SLC12A3: variants seen among roughly 807,000 people sequenced by gnomAD.
The protein encoded by SLC12A3 is solute carrier family 12 member 3, also known as Na-Cl cotransporter.
A neutral mutation model predicts 121.0 loss-of-function variants in SLC12A3; 104 were observed. The ratio of observed to expected loss-of-function variants is 0.86; its 90% CI spans 0.73 to 1.01. The LOEUF (loss-of-function observed/expected upper bound fraction) is 1.01. Ranked by LOEUF, SLC12A3 falls within the 50% of genes least tolerant of loss-of-function variation. SLC12A3 has a pLI of 0.00. For synonymous variants in SLC12A3, 536 were observed against 533.4 expected (o/e 1.00, Z -0.07); for missense variants, 1,328 against 1,356.3 (o/e 0.98, Z 0.33).
chr16:56,893,469 C>A (rs145327949), intron 21 of SLC12A3, among the ~76,000 whole-genome samples: 2 of 152,206 alleles, frequency 1.3e-5, no homozygotes, highest in South Asian at 2.1e-4. Context: ...AAAATGTCTT[C>A]GCTCCAATGG....
chr16:56,906,924 G>A (rs1483012925), intron 25 of SLC12A3: 3 of 454,454 alleles, frequency 6.6e-6, no homozygotes, highest in African/African-American at 4.1e-5. Flanking sequence ...GGCAAAAGGT[G>A]GGCTGGAGAT....
intron 15 of SLC12A3, among the ~76,000 whole-genome samples, chr16:56,885,574 C>T (rs2079706547): frequency 6.6e-6 from 1 of 152,108 alleles, no homozygotes; most frequent in Non-Finnish European, 1.5e-5. Flanking sequence ...AGTCAAGGGG[C>T]CTCTCCATGC....
In SLC12A3 at chr16:56,870,658, C is replaced by T. The variant is rs111578437; in HGVS notation, c.774C>T (p.Asn258=). 1,559 of 1,613,528 alleles carry T rather than the reference C, an allele frequency of 9.7e-4. 16 individuals carry two copies. The African/African-American group carries it at 0.017, about 18-fold the overall frequency. The change falls in exon 6 of 26, where the codon AAC becomes AAT. Residue 258 remains asparagine (N), a synonymous_variant. Transcript: ENST00000563236. Reference sequence around the variant, plus strand: ...GGGCACCCATCGTGGACCCCATTAACGACATCCGCATCATTGCCGTGGTCT... The same window carrying T: ...GGGCACCCATCGTGGACCCCATTAATGACATCCGCATCATTGCCGTGGTCT... The part of the protein sequence containing the change: ...EYGAPIVDPI[N]DIRIIAVVSV...
chr16:56,893,255 G>T (rs2055414789), intron 21 of SLC12A3, among the ~76,000 whole-genome samples: 1 of 152,212 alleles, frequency 6.6e-6, no homozygotes, highest in Admixed American at 6.5e-5. Context: ...GAGAAGAGCT[G>T]AAGTCGCCAT....
intron 17 of SLC12A3, 127 bp from the exon 18 acceptor site, chr16:56,887,798 A>ATAT (rs1433682477): frequency 0.017 from 1,164 of 68,552 alleles, 46 homozygotes; most frequent in Non-Finnish European, 0.027. Context: ...ATATATATAT[A>ATAT]TTTTTTTTTT....
chr16:56,878,346 T>C (rs1048886891), intron 9 of SLC12A3, among the ~76,000 whole-genome samples, 185 bp downstream of exon 9: 3 of 152,030 alleles, frequency 2.0e-5, no homozygotes, highest in Non-Finnish European at 4.4e-5. Flanking sequence ...CTGGGGTATC[T>C]TGGCAATGAT....
At chr16:56,872,486 C>T in intron 7 of SLC12A3, 24 bp downstream of exon 7, 2 of 1,599,872 alleles carry the variant, frequency 1.3e-6, no homozygotes, top group Non-Finnish European at 8.6e-7. Flanking sequence ...AAGGCCCTGA[C>T]CATGGCTCTG....
chr16:56,891,488 A>C (rs2055388472), intron 19 of SLC12A3, among the ~76,000 whole-genome samples: 1 of 151,936 alleles, frequency 6.6e-6, no homozygotes. Context: ...CGTCTCTTGC[A>C]GCCAGGAGCT....
chr16:56,884,305 G>A (rs1040583828), intron 14 of SLC12A3, 101 bp downstream of exon 14: 8 of 1,245,636 alleles, frequency 6.4e-6, no homozygotes, highest in Non-Finnish European at 9.3e-6. Flanking sequence ...GTCCGGCTCT[G>A]TGCTGTCCAG....
rs34930276 is a variant in SLC12A3, at chr16:56,870,575, G to A, written c.742-51G>A. 311 of 1,227,026 alleles carry A rather than the reference G, an allele frequency of 2.5e-4. No homozygotes were observed. In the African/African-American group the frequency reaches 3.8e-3, roughly 15 times the overall value. 76.0% of individuals were successfully genotyped at this position (1,227,026 alleles called of 1,614,324 possible). A position where few individuals can be genotyped will look rare whatever the true frequency, so the allele number is the denominator to read the frequency against. The stretch of plus-strand genomic sequence containing the variant: ...CCTCCTAGGTGGGCAGAGTCTGGGG[G>A]ATGGGGAATTCAGAGGGTGGCTTGC... On this transcript the variant is annotated intron_variant, in intron 5 of 25. Transcript: ENST00000563236.
At chr16:56,883,904 T>C (rs1182894776) in intron 13 of SLC12A3, 145 bp from the exon 14 acceptor site, 2 of 775,340 alleles carry the variant, frequency 2.6e-6, no homozygotes, top group African/African-American at 3.5e-5. Flanking sequence ...GGAGGCAGGG[T>C]GGGTGGTGCT....
Position 56,878,146 on chromosome 16 carries a change from A to T in SLC12A3, c.1165A>T (p.Ile389Phe). The change falls in exon 9 of 26, where the codon ATC (isoleucine) becomes TTC (phenylalanine). Residue 389 changes from isoleucine to phenylalanine, a missense_variant. By Grantham distance (21) the Ile-to-Phe change is conservative. Coordinates refer to ENST00000563236, the MANE Select transcript of SLC12A3 (RefSeq NM_001126108.2). ...IFWTTISYLA[I>F]SATIGSCVVR... is the part of the protein sequence containing the mutation. The stretch of plus-strand genomic sequence containing the variant: ...CTGGACGACCATTTCCTACCTGGCC[A>T]TCTCAGCCACCATTGGTAAGTGGCC... 6.2e-7 allele frequency: 1 copy of T among 1,605,382 alleles called. No individual in the cohort carries two copies. Among genetic ancestry groups the T allele is most frequent in the Non-Finnish European group, 8.5e-7 (1 of 1,176,606 alleles).
chr16:56,868,497 C>T lies in SLC12A3; in HGVS notation c.505+125C>T, dbSNP rs540387713. 1.9e-4 allele frequency: 182 copies of T among 936,868 alleles called. No homozygotes were observed. The Middle Eastern group carries it at 4.5e-3, about 23-fold the overall frequency. 58.0% of individuals were successfully genotyped at this position (936,868 alleles called of 1,614,324 possible). On this transcript the variant is annotated intron_variant, in intron 3 of 25. Coordinates refer to ENST00000563236, the MANE Select transcript of SLC12A3 (RefSeq NM_001126108.2). ...TTAAACTTGAGGTGCAGAGACCAAA[C>T]GGCCAGGCCTTCTCCTCCCTGGTTC...
intron 6 of SLC12A3, among the ~76,000 whole-genome samples, chr16:56,871,313 G>A (rs535228789): frequency 6.6e-6 from 1 of 152,344 alleles, no homozygotes; most frequent in South Asian, 2.1e-4. Context: ...AGCAAAGAAG[G>A]GGGAAATGAA....
intron 23 of SLC12A3, among the ~76,000 whole-genome samples, chr16:56,900,670 A>T (rs2055526097): frequency 6.6e-6 from 1 of 152,084 alleles, no homozygotes; most frequent in African/African-American, 2.4e-5. Context: ...AGCTGGGATT[A>T]CAGGAGCACA....
In SLC12A3 at chr16:56,868,305, C is replaced by T; in HGVS notation, c.438C>T (p.Cys146=). Residue 146 remains cysteine (C), a synonymous_variant, in exon 3 of 26, where the codon TGC becomes TGT. Transcript: ENST00000563236. ...FGWVKGVMIR[C]MLNIWGVILY... ...CCCCCCTGTCCTCCCAGATTCGTTG[C>T]ATGCTCAACATTTGGGGCGTGATCC... 6.2e-7 allele frequency: 1 copy of T among 1,614,070 alleles called. No homozygotes were observed. The highest frequency in any genetic ancestry group is 8.5e-7 in the Non-Finnish European group (1 of 1,179,996).
chr16:56,904,586 A>G lies in SLC12A3; in HGVS notation c.2924+124A>G, dbSNP rs1419352260. On this transcript the variant is annotated intron_variant, in intron 25 of 25. Transcript: ENST00000563236. ...CTTCCCCTAGGAAGCAGAAGGGCCA[A>G]AGTTCCCATAAACATAGCCCTGGCG... The G allele has an allele frequency of 8.9e-6, 8 of 900,632 alleles. No individual in the cohort carries two copies. The African/African-American group carries it at 1.3e-4, about 15-fold the overall frequency. 55.8% of individuals were successfully genotyped at this position (900,632 alleles called of 1,614,324 possible).
intron 17 of SLC12A3, among the ~76,000 whole-genome samples, chr16:56,887,433 C>T (rs529226704): frequency 1.1e-4 from 16 of 152,120 alleles, no homozygotes; most frequent in African/African-American, 3.6e-4. Context: ...TCTCTAACTC[C>T]TGACCTCAGG....
chr16:56,871,317 A>G (rs2055094094), intron 6 of SLC12A3, among the ~76,000 whole-genome samples: 1 of 152,144 alleles, frequency 6.6e-6, no homozygotes, highest in African/African-American at 2.4e-5. Context: ...AAGAAGGGGG[A>G]AATGAAAGGG....
Sources: allele counts gnomAD v4.1 joint callset (sites outside exome capture counted in the v4.1 genomes callset), GRCh38; gene constraint gnomAD v4.1.1; transcripts MANE v1.5; gene names NCBI Gene and HGNC (gene_info 2026-07-23, HGNC 2026-07-21).